RMDN2: variants seen among roughly 807,000 people sequenced by gnomAD.
RMDN2 encodes regulator of microtubule dynamics 2.
Under a neutral mutation model 52.8 loss-of-function variants are expected in RMDN2, and 61 were observed. The observed-to-expected ratio is 1.16, with a 90% CI of 0.94 to 1.43. The LOEUF (loss-of-function observed/expected upper bound fraction) is 1.43. RMDN2 is among the 40% of genes most tolerant of loss of function. The pLI is 0.00. For synonymous variants in RMDN2, 180 were observed against 153.1 expected (o/e 1.18, Z -1.30); for missense variants, 592 against 475.3 (o/e 1.25, Z -2.28).
At chr2:38,026,732 C>A (rs1295312201) in intron 10 of RMDN2, among the ~76,000 whole-genome samples, 1 of 152,128 alleles carries the variant, frequency 6.6e-6, no homozygotes, top group Non-Finnish European at 1.5e-5. Context: ...AGGTATTTCT[C>A]CTAATGCTAT....
At chr2:38,029,811 A>G (rs1374193) in intron 10 of RMDN2, 98,133 of 151,006 alleles carry the variant, frequency 0.65, 32,967 homozygotes, top group East Asian at 0.89. Flanking sequence ...AGACATACCC[A>G]CCACTAGATA....
At chr2:37,994,698 C>G (rs1381696654) in intron 7 of RMDN2, among the ~76,000 whole-genome samples, 1 of 151,820 alleles carries the variant, frequency 6.6e-6, no homozygotes, top group Non-Finnish European at 1.5e-5. Flanking sequence ...ATGACAATAC[C>G]AAGTACCAGC....
At chr2:38,024,177 T>C (rs1314093679) in intron 10 of RMDN2, among the ~76,000 whole-genome samples, 2 of 152,196 alleles carry the variant, frequency 1.3e-5, no homozygotes, top group Non-Finnish European at 2.9e-5. Context: ...AGTTTGCTTC[T>C]CCACTCATCT....
chr2:38,003,604 G>GCAGACAGACAGA (rs200858320), intron 8 of RMDN2, among the ~76,000 whole-genome samples: 1 of 103,168 alleles, frequency 9.7e-6, no homozygotes, highest in Non-Finnish European at 2.2e-5. Flanking sequence ...AGATAGATAG[G>GCAGACAGACAGA]CAGACAGACA....
intron 2 of RMDN2, among the ~76,000 whole-genome samples, chr2:37,954,916 TAGTTA>T (rs1669263883): frequency 6.6e-6 from 1 of 152,250 alleles, no homozygotes; most frequent in South Asian, 2.1e-4. Context: ...TTCATCTCCT[TAGTTA>T]AGTTTATTTC....
intron 10 of RMDN2, among the ~76,000 whole-genome samples, chr2:38,004,544 A>C (rs1028887962): frequency 3.3e-5 from 5 of 152,138 alleles, no homozygotes; most frequent in Non-Finnish European, 7.4e-5. Flanking sequence ...TATTAACTAC[A>C]GTCACATTGC....
intron 2 of RMDN2, among the ~76,000 whole-genome samples, chr2:37,937,092 A>C (rs1158909482): frequency 6.6e-6 from 1 of 152,116 alleles, no homozygotes; most frequent in Non-Finnish European, 1.5e-5. Flanking sequence ...GGTGTAAGGA[A>C]GGGGTCCAGT....
chr2:37,932,614 G>T (rs866037306), intron 2 of RMDN2, among the ~76,000 whole-genome samples: 1,959 of 151,714 alleles, frequency 0.013, 37 homozygotes, highest in African/African-American at 0.044. Flanking sequence ...GGGCAGAGGG[G>T]CTCCTCACTT....
chr2:38,023,929 A>G (rs775205102), intron 10 of RMDN2, among the ~76,000 whole-genome samples: 1 of 152,148 alleles, frequency 6.6e-6, no homozygotes, highest in Non-Finnish European at 1.5e-5. Flanking sequence ...CCCCTTGGTA[A>G]TCTCTCCCTC....
intron 2 of RMDN2, chr2:37,951,523 A>G (rs1362369452): frequency 6.2e-7 from 1 of 1,612,322 alleles, no homozygotes; most frequent in Non-Finnish European, 8.5e-7. Context: ...GATTCTGAAG[A>G]AGACACAGGC....
intron 10 of RMDN2, among the ~76,000 whole-genome samples, chr2:38,024,181 C>G (rs1330140861): frequency 6.6e-6 from 1 of 152,126 alleles, no homozygotes; most frequent in African/African-American, 2.4e-5. Context: ...TGCTTCTCCA[C>G]TCATCTATTG....
chr2:37,969,958 T>C (rs1325689754), intron 2 of RMDN2, among the ~76,000 whole-genome samples: 1 of 151,852 alleles, frequency 6.6e-6, no homozygotes, highest in Non-Finnish European at 1.5e-5. Context: ...TTTTCAACAG[T>C]TTCTTACTCT....
chr2:38,008,393 T>C (rs971397023), intron 10 of RMDN2, among the ~76,000 whole-genome samples: 2 of 152,206 alleles, frequency 1.3e-5, no homozygotes, highest in Non-Finnish European at 2.9e-5. Context: ...GGTGCTCCTG[T>C]ATTGGGTGCA....
chr2:38,065,582 T>G (rs1222824209), intron 10 of RMDN2, among the ~76,000 whole-genome samples: 1 of 152,164 alleles, frequency 6.6e-6, no homozygotes, highest in East Asian at 1.9e-4. Context: ...AAAAGCTTGT[T>G]TCGTGCCTTG....
At chr2:37,961,775 G>A (rs989658071) in intron 2 of RMDN2, among the ~76,000 whole-genome samples, 3 of 151,970 alleles carry the variant, frequency 2.0e-5, no homozygotes, top group African/African-American at 7.3e-5. Context: ...GAGGCATTCT[G>A]GATTTTGGAA....
rs1272871856 is a variant in RMDN2, at chr2:37,974,093, C to T, written c.506C>T (p.Ala169Val). Residue 169 changes from alanine to valine, a missense_variant, in exon 3 of 11, where the codon GCA becomes GTA. Transcript: ENST00000354545. Reference protein sequence around the residue: ...TEEQSFPVPKAFNTRVEELNL... With the variant: ...TEEQSFPVPKVFNTRVEELNL... ...GAACAGAGTTTTCCAGTCCCTAAGG[C>T]ATTTAACACACGTGTAGAGGAATTA... 1 of 1,612,554 alleles carries T rather than the reference C, an allele frequency of 6.2e-7. No individual in the cohort carries two copies. Among genetic ancestry groups the T allele is most frequent in the Non-Finnish European group, 8.5e-7 (1 of 1,178,896 alleles).
intron 10 of RMDN2, among the ~76,000 whole-genome samples, chr2:38,046,895 A>G (rs1371637277): frequency 6.6e-6 from 1 of 152,114 alleles, no homozygotes; most frequent in Non-Finnish European, 1.5e-5. Flanking sequence ...AGGCAGAAGA[A>G]TCGCTTGAAC....
rs921454812 is a variant in RMDN2, at chr2:38,012,483, G to A, written c.1180-4703G>A. ...ATATCGTACAAATAAAAATAATAGT[G>A]TCAATAGTAATAATAAAGAGGACTC... is the stretch of plus-strand genomic sequence containing the variant. On this transcript the variant is annotated intron_variant, in intron 10 of 10. Coordinates refer to ENST00000354545, the MANE Select transcript of RMDN2 (RefSeq NM_001170791.3). The A allele has an allele frequency of 1.3e-5, 5 of 393,878 alleles. No homozygotes were observed. In the Admixed American group the frequency reaches 1.9e-4, roughly 15 times the overall value. The allele number at this position is 393,878 out of a possible 1,614,324, so 24.4% of individuals were successfully genotyped here. A position where few individuals can be genotyped will look rare whatever the true frequency, so the allele number is the denominator to read the frequency against.
chr2:37,951,698 C>G (rs779097034), intron 2 of RMDN2: 3 of 1,612,490 alleles, frequency 1.9e-6, no homozygotes, highest in Non-Finnish European at 2.5e-6. Context: ...AAATCGAAAT[C>G]TTTTCTAAAA....
Sources: gnomAD v4.1 joint callset for allele counts (sites outside exome capture counted in the v4.1 genomes callset) on GRCh38, gnomAD v4.1.1 for gene constraint, MANE v1.5 for transcripts, NCBI Gene and HGNC (gene_info 2026-07-23, HGNC 2026-07-21) for gene names.